Variants in APOB observed in about 807,000 individuals in gnomAD.
The protein encoded by APOB is apolipoprotein B-100.
APOB carries 153 observed loss-of-function variants against 314.1 expected under a neutral mutation model. The ratio of observed to expected loss-of-function variants is 0.49; its 90% CI spans 0.43 to 0.56. The LOEUF (loss-of-function observed/expected upper bound fraction) is 0.56, where lower values mean the gene tolerates loss of function less well. Among genes scored for constraint, APOB ranks in the 20% least tolerant of loss-of-function variants. The pLI is 0.00. For synonymous variants in APOB, 2,087 were observed against 2,036.4 expected, an observed-to-expected ratio of 1.02 and a Z score of -0.67; for missense variants, 5,430 against 5,350.7, an observed-to-expected ratio of 1.01 and a Z score of -0.46.
chr2:21,012,755 A>G (rs1317287960), intron 25 of APOB, 104 bp from the exon 26 acceptor site: 5 of 1,227,136 alleles, frequency 4.1e-6, no homozygotes, highest in Non-Finnish European at 5.8e-6. Context: ...TTTCTGGGCC[A>G]ATTGTGCAAT....
Position 21,006,386 on chromosome 2 carries a change from T to C in APOB, c.10482A>G (p.Ser3494=). Residue 3494 remains serine, a synonymous_variant, in exon 26 of 29, where the codon TCA becomes TCG. Transcript: ENST00000233242. ...ESLTSYFSIE[S]STKGDVKGSV... is the part of the protein sequence containing the mutation. Reference sequence around the variant, plus strand: ...AACCCTTGACATCTCCTTTGGTAGATGACTCAATGGAAAAGTAAGAGGTGA... The same window carrying C: ...AACCCTTGACATCTCCTTTGGTAGACGACTCAATGGAAAAGTAAGAGGTGA... 6.2e-7 allele frequency: 1 copy of C among 1,614,086 alleles called. No individual in the cohort carries two copies. Among genetic ancestry groups the C allele is most frequent in the African/African-American group, 1.3e-5 (1 of 75,042 alleles).
rs563206373 is a variant in APOB at position 21,003,763 on chromosome 2, C to T, written c.12088-429G>A. Reference sequence around the variant, plus strand: ...CAGAATCCCAACATCAGTACGCATTCTCCAAGCCCATGACAAACTTTTAGT... The same window carrying T: ...CAGAATCCCAACATCAGTACGCATTTTCCAAGCCCATGACAAACTTTTAGT... On this transcript the variant is annotated intron_variant, in intron 28 of 28. Coordinates refer to ENST00000233242, the MANE Select transcript of APOB (RefSeq NM_000384.3). Among the ~76,000 whole-genome samples the T allele has an allele frequency of 2.0e-5, 3 of 152,310 alleles. No homozygotes were observed. In the East Asian group the frequency reaches 5.8e-4, roughly 29 times the overall value.
chr2:21,021,752 T>C (rs1264892132), intron 18 of APOB, among the ~76,000 whole-genome samples: 3 of 152,238 alleles, frequency 2.0e-5, no homozygotes, highest in African/African-American at 7.2e-5. Flanking sequence ...CAAGTACACT[T>C]GCTTCAGAAT....
chr2:21,039,637 C>G (rs1664086048), intron 4 of APOB, among the ~76,000 whole-genome samples: 1 of 152,148 alleles, frequency 6.6e-6, no homozygotes, highest in African/African-American at 2.4e-5. Context: ...CAAAATATCA[C>G]TATGTTCTCA....
chr2:21,027,384 G>A (rs1322664290), intron 14 of APOB, among the ~76,000 whole-genome samples: 3 of 142,324 alleles, frequency 2.1e-5, no homozygotes, highest in African/African-American at 7.8e-5. Context: ...CAATCTCTCG[G>A]CTCACTGCAA....
chr2:21,020,067 A>G (rs538779015), intron 18 of APOB, among the ~76,000 whole-genome samples, 162 bp from the exon 19 acceptor site: 1 of 152,336 alleles, frequency 6.6e-6, no homozygotes, highest in East Asian at 1.9e-4. Flanking sequence ...ATTAGAAAGA[A>G]CATCAACATG....
intron 21 of APOB, 38 bp from the exon 22 acceptor site, chr2:21,015,583 T>C: frequency 6.3e-7 from 1 of 1,599,804 alleles, no homozygotes; most frequent in Non-Finnish European, 8.5e-7. Context: ...AATGATTTTG[T>C]CCTTTCAATG....
intron 8 of APOB, among the ~76,000 whole-genome samples, chr2:21,033,894 A>C (rs1663940026): frequency 3.9e-5 from 6 of 152,184 alleles, no homozygotes; most frequent in Admixed American, 2.6e-4. Context: ...TAGGTTTCCC[A>C]AGAGCTCTCA....
In APOB at chr2:21,037,996, G is replaced by A. The variant is rs139842930; in HGVS notation, c.499C>T (p.Pro167Ser). The A allele has an allele frequency of 1.0e-4, 165 of 1,614,066 alleles. No individual in the cohort carries two copies. Among genetic ancestry groups the A allele is most frequent in the Non-Finnish European group, 1.3e-4 (154 of 1,180,036 alleles). ...KRGIISALLV[P>S]PETEEAKQVL... is the part of the protein sequence containing the mutation. ...TGCTTGGCTTCTTCTGTCTCTGGGG[G>A]AACCAGGAGGGCAGAAATGATGCCC... Residue 167 changes from proline (P) to serine (S), a missense_variant, in exon 5 of 29, where the codon CCC becomes TCC. Coordinates refer to ENST00000233242, the MANE Select transcript of APOB (RefSeq NM_000384.3).
At chr2:21,013,964 G>A (rs551862453) in intron 24 of APOB, among the ~76,000 whole-genome samples, 4 of 152,302 alleles carry the variant, frequency 2.6e-5, no homozygotes, top group African/African-American at 9.6e-5. Flanking sequence ...GCACATAGGG[G>A]ATACTTGATA....
At position 21,023,038 on chromosome 2, in the gene APOB, T is replaced by C. The variant is rs1361810766; in HGVS notation, c.2609A>G (p.Gln870Arg). The change falls in exon 18 of 29, where the codon CAG becomes CGG. Residue 870 changes from glutamine (Q) to arginine (R), a missense_variant. Physicochemically the swap from Gln to Arg is conservative, Grantham distance 43. Transcript: ENST00000233242. ...GGAGGGTTTTGCCACCAGTTCAGCC[T>C]GCATCTATAAGTCAGAAAACAACCT... ...AGVKLEVANM[Q>R]AELVAKPSVS... 1 of 1,614,070 alleles carries C rather than the reference T, an allele frequency of 6.2e-7. No individual in the cohort carries two copies. The highest frequency in any genetic ancestry group is 8.5e-7 in the Non-Finnish European group (1 of 1,179,932).
rs146538280 is a variant in APOB, at chr2:21,009,331, G to C, written c.7537C>G (p.Arg2513Gly). Reference protein sequence around the residue: ...ASLAHMKAKFRETLEDTRDRM... With the variant: ...ASLAHMKAKFGETLEDTRDRM... ...TCTCGTGTATCTTCTAGGGTCTCTCGGAATTTGGCCTTCATGTGAGCCAAA... is the reference window on the plus strand; with the variant it reads ...TCTCGTGTATCTTCTAGGGTCTCTCCGAATTTGGCCTTCATGTGAGCCAAA... Residue 2513 changes from arginine (R) to glycine (G), a missense_variant, in exon 26 of 29, where the codon CGA becomes GGA. By Grantham distance (125) the Arg-to-Gly change is moderately radical. Transcript: ENST00000233242. 5.0e-6 allele frequency: 8 copies of C among 1,613,894 alleles called. No homozygotes were observed. In the South Asian group the frequency reaches 7.7e-5, roughly 16 times the overall value.
Position 21,009,422 on chromosome 2 carries a change from T to G in APOB, c.7446A>C (p.Glu2482Asp). ...AGGTTATTTTGGTGTCCTGTAGGCT[T>G]TCCAGATACACTGCAACTGTGGCCT... ...ETKATVAVYL[E>D]SLQDTKITLI... Residue 2482 changes from glutamate (E) to aspartate (D), a missense_variant, in exon 26 of 29, where the codon GAA becomes GAC. Glu to Asp is a conservative substitution (Grantham distance 45). This residue lies in a region of APOB where 3,281 missense variants were observed against 3,171.0 expected (regional missense o/e 1.03). Transcript: ENST00000233242. The G allele has an allele frequency of 1.9e-6, 3 of 1,614,082 alleles. No homozygotes were observed. Among genetic ancestry groups the G allele is most frequent in the Non-Finnish European group, 2.5e-6 (3 of 1,179,964 alleles).
chr2:21,042,498 C>T, intron 2 of APOB, 22 bp from the exon 3 acceptor site: 4 of 1,586,614 alleles, frequency 2.5e-6, no homozygotes, highest in Non-Finnish European at 3.5e-6. Context: ...AGAAATACGT[C>T]AGCCACATAG....
In APOB at chr2:21,043,864, C is replaced by T. The variant is rs1264357217; in HGVS notation, c.82G>A (p.Glu28Lys). ...GCCCGCAGAGCGGCCGCGCACTCAC[C>T]GGCCCTGGCGCCCGCCAGCAGCAGC... ...LLLLLAGARA[E>K]EEMLENVSLV... Residue 28 changes from glutamate (E) to lysine (K), a missense_variant and splice_region_variant, in exon 1 of 29, where the codon GAA becomes AAA. Physicochemically the swap from Glu to Lys is moderately conservative, Grantham distance 56 (BLOSUM62 1). Around this residue, in one of 3 missense-constraint regions of APOB, gnomAD observed 2,085 missense variants for 2,079.7 expected, o/e 1.00. Transcript: ENST00000233242. The T allele has an allele frequency of 1.3e-6, 2 of 1,500,752 alleles. No individual in the cohort carries two copies. Among genetic ancestry groups the T allele is most frequent in the Non-Finnish European group, 1.8e-6 (2 of 1,131,376 alleles). The allele number at this position is 1,500,752 out of a possible 1,614,324, so 93.0% of individuals were successfully genotyped here.
At chr2:21,041,415 A>T (rs1316089725) in intron 3 of APOB, among the ~76,000 whole-genome samples, 1 of 152,358 alleles carries the variant, frequency 6.6e-6, no homozygotes, top group East Asian at 1.9e-4. Flanking sequence ...AGCGCTGCAG[A>T]CTAGGAGTGA....
chr2:21,010,418 T>C lies in APOB; in HGVS notation c.6450A>G (p.Arg2150=). 6.2e-7 allele frequency: 1 copy of C among 1,601,420 alleles called. No individual in the cohort carries two copies. The highest frequency in any genetic ancestry group is 8.5e-7 in the Non-Finnish European group (1 of 1,172,434). ...CAATTTGTATATCATTTTCTGTAAT[T>C]CTATACTTTTTTGTGAGAGCAGTCA... ...EKLTALTKKY[R]ITENDIQIAL... Residue 2150 remains arginine, a synonymous_variant, in exon 26 of 29, where the codon AGA becomes AGG. Coordinates refer to ENST00000233242, the MANE Select transcript of APOB (RefSeq NM_000384.3).
chr2:21,001,642 T>C lies in APOB; in HGVS notation c.*88A>G. On this transcript the variant is annotated 3_prime_UTR_variant, in exon 29 of 29. Transcript: ENST00000233242. ...CTGCAAGGCTGGCTCACTGTATGGT[T>C]TTATCAATATAGGCAGTTTGAATTT... 2.9e-6 allele frequency: 4 copies of C among 1,363,570 alleles called. No homozygotes were observed. Among genetic ancestry groups the C allele is most frequent in the Non-Finnish European group, 4.2e-6 (4 of 963,286 alleles). The allele number at this position is 1,363,570 out of a possible 1,614,324, so 84.5% of individuals were successfully genotyped here. A position where few individuals can be genotyped will look rare whatever the true frequency, so the allele number is the denominator to read the frequency against.
In APOB at chr2:21,015,459, T is replaced by C. The variant is rs557767875; in HGVS notation, c.3419A>G (p.His1140Arg). Residue 1140 changes from histidine to arginine, a missense_variant, in exon 22 of 29, where the codon CAC becomes CGC. Coordinates refer to ENST00000233242, the MANE Select transcript of APOB (RefSeq NM_000384.3). ...QAEARSEILA[H>R]WSPAKLLLQM... Reference sequence around the variant, plus strand: ...GAGAAGCAGTTTGGCAGGCGACCAGTGGGCGAGGATCTCACTTCTGGCTTC... The same window carrying C: ...GAGAAGCAGTTTGGCAGGCGACCAGCGGGCGAGGATCTCACTTCTGGCTTC... 6 of 1,614,102 alleles carry C rather than the reference T, an allele frequency of 3.7e-6. No individual in the cohort carries two copies. The African/African-American group carries it at 5.3e-5, about 14-fold the overall frequency.
Sources: gnomAD v4.1 joint callset for allele counts (sites outside exome capture counted in the v4.1 genomes callset) on GRCh38, gnomAD v4.1.1 for gene constraint, gnomAD v4.1.1 regional missense constraint, MANE v1.5 for transcripts, NCBI Gene and HGNC (gene_info 2026-07-23, HGNC 2026-07-21) for gene names.